The following NBEA variants were observed in gnomAD, a reference collection of about 807,000 sequenced individuals.
NBEA encodes the protein lysosomal-trafficking regulator 2.
In NBEA, 44 loss-of-function variants were observed where a neutral mutation model predicts 343.4. That is an observed-to-expected ratio of 0.13 (90% CI 0.10 to 0.16). The LOEUF is 0.16. NBEA is among the 10% of genes least tolerant of loss of function. The pLI, the probability that NBEA is intolerant of heterozygous loss-of-function variation, is 1.00. For missense variants in NBEA, 2,555 were observed against 3,631.3 expected (o/e 0.70, Z 7.62); for synonymous variants, 1,175 against 1,238.7 (o/e 0.95, Z 1.08).
chr13:35,133,796 G>C (rs1248295561), intron 17 of NBEA, among the ~76,000 whole-genome samples: 1 of 151,870 alleles, frequency 6.6e-6, no homozygotes, highest in Admixed American at 6.6e-5. Flanking sequence ...GTATAAAGAC[G>C]TACATGGGAA....
At chr13:35,126,048 C>G (rs1208105201) in intron 17 of NBEA, among the ~76,000 whole-genome samples, 33 of 152,262 alleles carry the variant, frequency 2.2e-4, no homozygotes, top group Non-Finnish European at 1.5e-5. Context: ...TGTGTCCCCC[C>G]ACCTAAAATC....
intron 47 of NBEA, among the ~76,000 whole-genome samples, chr13:35,601,891 T>C (rs892310413): frequency 5.9e-5 from 9 of 151,994 alleles, no homozygotes; most frequent in Non-Finnish European, 1.2e-4. Flanking sequence ...TTGGCCTTAC[T>C]ACCAATTTGC....
At chr13:35,317,228 G>T (rs2037802641) in intron 36 of NBEA, among the ~76,000 whole-genome samples, 1 of 152,090 alleles carries the variant, frequency 6.6e-6, no homozygotes, top group Non-Finnish European at 1.5e-5. Flanking sequence ...TTCTTCTAGG[G>T]TTTTTATGGT....
chr13:35,572,589 C>A (rs1222471403), intron 45 of NBEA, among the ~76,000 whole-genome samples: 1 of 152,184 alleles, frequency 6.6e-6, no homozygotes, highest in Non-Finnish European at 1.5e-5. Flanking sequence ...AATGGATGCA[C>A]TGAAGTGTGA....
chr13:35,668,511 T>A lies in NBEA; in HGVS notation c.8805T>A (p.His2935Gln). Residue 2935 changes from histidine to glutamine, a missense_variant, in exon 58 of 59, where the codon CAT (histidine) becomes CAA (glutamine). Around this residue, in one of 21 missense-constraint regions of NBEA, gnomAD observed 186 missense variants for 328.9 expected, o/e 0.57. Transcript: ENST00000379939. ...GCATTAGAGCAATGGACTTGTCCCA[T>A]GACCAGAGGTGAGCTGCGTCAAGGA... ...DAGIRAMDLS[H>Q]DQRTLITGMA... 1 of 1,597,706 alleles carries A rather than the reference T, an allele frequency of 6.3e-7. No individual in the cohort carries two copies. The highest frequency in any genetic ancestry group is 8.5e-7 in the Non-Finnish European group (1 of 1,172,234).
chr13:35,583,417 A>T (rs2081146795), intron 45 of NBEA, among the ~76,000 whole-genome samples: 1 of 152,188 alleles, frequency 6.6e-6, no homozygotes, highest in African/African-American at 2.4e-5. Context: ...AATGAGACTA[A>T]CATTCTATCA....
intron 40 of NBEA, among the ~76,000 whole-genome samples, chr13:35,465,953 T>C (rs1191239584): frequency 6.6e-6 from 1 of 152,116 alleles, no homozygotes; most frequent in Non-Finnish European, 1.5e-5. Flanking sequence ...TAAAATTATG[T>C]ATTATAAATA....
chr13:35,547,909 T>C (rs1208253369), intron 41 of NBEA, among the ~76,000 whole-genome samples: 1 of 150,452 alleles, frequency 6.6e-6, no homozygotes, highest in Non-Finnish European at 1.5e-5. Context: ...AAAAAGGGAA[T>C]TGATGAAGCC....
At chr13:35,199,088 A>G (rs956857511) in intron 31 of NBEA, among the ~76,000 whole-genome samples, 6 of 152,112 alleles carry the variant, frequency 3.9e-5, no homozygotes, top group Non-Finnish European at 8.8e-5. Flanking sequence ...GAGAGTGACA[A>G]CATCAAAAAT....
chr13:35,080,405 T>G (rs1422069396), intron 10 of NBEA, among the ~76,000 whole-genome samples: 3 of 152,128 alleles, frequency 2.0e-5, no homozygotes, highest in African/African-American at 7.2e-5. Context: ...GTCTTACGTA[T>G]CTGATGGAAA....
chr13:35,576,273 T>C (rs573351854), intron 45 of NBEA, among the ~76,000 whole-genome samples: 1 of 151,794 alleles, frequency 6.6e-6, no homozygotes, highest in South Asian at 2.1e-4. Context: ...CCCACCTCCA[T>C]GCTTGGATAA....
chr13:35,513,461 T>C (rs2077365726), intron 41 of NBEA, among the ~76,000 whole-genome samples: 1 of 151,844 alleles, frequency 6.6e-6, no homozygotes, highest in Non-Finnish European at 1.5e-5. Context: ...TATTACTTCT[T>C]TTTCAACATT....
At chr13:35,524,830 C>T (rs893939492) in intron 41 of NBEA, among the ~76,000 whole-genome samples, 5 of 152,144 alleles carry the variant, frequency 3.3e-5, no homozygotes, top group African/African-American at 4.8e-5. Flanking sequence ...AAATACAGCA[C>T]TTACCAGGAT....
At position 35,162,403 on chromosome 13, in the gene NBEA, C is replaced by T. The variant is rs569923899; in HGVS notation, c.4079+436C>T. 4.5e-3 allele frequency among the ~76,000 whole-genome samples: 682 copies of T among 152,244 alleles called. 4 individuals are homozygous for T. Among genetic ancestry groups the T allele is most frequent in the Non-Finnish European group, 6.9e-3 (471 of 68,022 alleles). On this transcript the variant is annotated intron_variant, in intron 23 of 58. Transcript: ENST00000379939. ...AGCAAGGGCAACTTAAATGATCTAGCACAACATTCTTAGAAATGTTGGCTT... is the reference window on the plus strand; with the variant it reads ...AGCAAGGGCAACTTAAATGATCTAGTACAACATTCTTAGAAATGTTGGCTT...
At chr13:35,518,693 T>G (rs2077578678) in intron 41 of NBEA, among the ~76,000 whole-genome samples, 1 of 152,228 alleles carries the variant, frequency 6.6e-6, no homozygotes, top group African/African-American at 2.4e-5. Context: ...TTTCTACTTT[T>G]GTGCAAAATG....
intron 20 of NBEA, 72 bp downstream of exon 20, chr13:35,156,278 C>A (rs929007796): frequency 1.5e-6 from 2 of 1,373,922 alleles, no homozygotes; most frequent in Non-Finnish European, 1.9e-6. Flanking sequence ...ATTTTCAATT[C>A]ATTTCAAATC....
intron 49 of NBEA, among the ~76,000 whole-genome samples, chr13:35,633,696 A>G (rs2083569296): frequency 6.6e-6 from 1 of 152,060 alleles, no homozygotes; most frequent in African/African-American, 2.4e-5. Flanking sequence ...TTCATGGGAG[A>G]AAAATATGTG....
chr13:35,064,318 A>G (rs2063569887), intron 8 of NBEA, among the ~76,000 whole-genome samples: 1 of 152,030 alleles, frequency 6.6e-6, no homozygotes, highest in Non-Finnish European at 1.5e-5. Flanking sequence ...ACAAGGGAAT[A>G]AGGAGAAAAA....
intron 55 of NBEA, among the ~76,000 whole-genome samples, chr13:35,661,378 T>A (rs1436876778): frequency 1.3e-5 from 2 of 152,186 alleles, no homozygotes; most frequent in Non-Finnish European, 2.9e-5. Context: ...GAAAATGTAG[T>A]CATTGTTATC....
Sources: allele counts gnomAD v4.1 joint callset (sites outside exome capture counted in the v4.1 genomes callset), GRCh38; gene constraint gnomAD v4.1.1; regional missense constraint gnomAD v4.1.1; transcripts MANE v1.5; gene names NCBI Gene and HGNC (gene_info 2026-07-23, HGNC 2026-07-21).